Variants in CSMD3 observed in about 807,000 individuals in gnomAD.
CSMD3 encodes the protein CUB and Sushi multiple domains 3, also known as CUB and sushi domain-containing protein 3.
In CSMD3, 177 loss-of-function variants were observed where a neutral mutation model predicts 435.2. The ratio of observed to expected loss-of-function variants is 0.41; its 90% confidence interval spans 0.36 to 0.46. The LOEUF (loss-of-function observed/expected upper bound fraction) is 0.46, where lower values mean the gene tolerates loss of function less well. Ranked by LOEUF, CSMD3 falls within the 20% of genes least tolerant of loss-of-function variation. The pLI is 0.34. For missense variants in CSMD3, 4,265 were observed against 4,504.6 expected (o/e 0.95, Z 1.52); for synonymous variants, 1,656 against 1,520.5 (o/e 1.09, Z -2.07).
rs762575507 is a variant in CSMD3, at chr8:112,224,734, G to A, written c.*37C>T. The A allele has an allele frequency of 3.7e-6, 6 of 1,610,436 alleles. No individual in the cohort carries two copies. Among genetic ancestry groups the A allele is most frequent in the South Asian group, 2.2e-5 (2 of 91,012 alleles). ...CTAAATGTGCACTGTTTTGTGTGTC[G>A]ATTTCCAAGCTTCTGAAGAAGGCAA... On this transcript the variant is annotated 3_prime_UTR_variant, in exon 71 of 71. Transcript: ENST00000297405.
At chr8:113,130,470 C>T (rs1258981350) in intron 4 of CSMD3, among the ~76,000 whole-genome samples, 2 of 152,116 alleles carry the variant, frequency 1.3e-5, no homozygotes, top group African/African-American at 2.4e-5. Context: ...CACAGTAAGA[C>T]GTGCTTGCTT....
chr8:113,162,772 T>C (rs142342525), intron 4 of CSMD3, among the ~76,000 whole-genome samples: 1 of 152,110 alleles, frequency 6.6e-6, no homozygotes, highest in African/African-American at 2.4e-5. Flanking sequence ...ATACATAGAA[T>C]AGTTCAAAAA....
chr8:113,100,311 C>T (rs1189087413), intron 4 of CSMD3, among the ~76,000 whole-genome samples: 1 of 152,004 alleles, frequency 6.6e-6, no homozygotes, highest in Non-Finnish European at 1.5e-5. Flanking sequence ...CTTGTCTAGA[C>T]CATGTGGCAT....
At chr8:113,296,326 C>A (rs2093721750) in intron 2 of CSMD3, among the ~76,000 whole-genome samples, 1 of 108,212 alleles carries the variant, frequency 9.2e-6, no homozygotes, top group African/African-American at 3.1e-5. Context: ...ATAGAACAGC[C>A]TGGGCAACAT....
chr8:113,071,269 G>A (rs570283857), intron 5 of CSMD3, among the ~76,000 whole-genome samples: 9 of 151,776 alleles, frequency 5.9e-5, no homozygotes, highest in Non-Finnish European at 1.3e-4. Context: ...ATTTCTCCTC[G>A]TTCTGCAGCA....
intron 19 of CSMD3, 66 bp downstream of exon 19, chr8:112,650,095 A>G (rs1344488545): frequency 1.7e-6 from 2 of 1,176,064 alleles, no homozygotes; most frequent in Non-Finnish European, 2.6e-6. Flanking sequence ...TAAACCCCAT[A>G]TAAAAAACTA....
intron 9 of CSMD3, among the ~76,000 whole-genome samples, chr8:112,946,243 G>C (rs1223247590): frequency 6.6e-6 from 1 of 151,622 alleles, no homozygotes; most frequent in Non-Finnish European, 1.5e-5. Context: ...AAAGCTGTAT[G>C]GTTACTACGA....
At chr8:113,063,593 T>C (rs1236630945) in intron 5 of CSMD3, among the ~76,000 whole-genome samples, 3 of 151,960 alleles carry the variant, frequency 2.0e-5, no homozygotes, top group East Asian at 1.9e-4. Context: ...AGGGATACCA[T>C]CTTGTTAGTT....
chr8:112,305,774 T>C lies in CSMD3; in HGVS notation c.8071+233A>G, dbSNP rs192779023. Among the ~76,000 whole-genome samples the C allele has an allele frequency of 8.7e-4, 133 of 152,238 alleles. No individual in the cohort carries two copies. The Middle Eastern group carries it at 0.017, about 19-fold the overall frequency. ...CAAAATAAAACATCATTGTATAAAA[T>C]AAAAGTGCCTTTTTTGACATAAATA... On this transcript the variant is annotated intron_variant, in intron 51 of 70. Transcript: ENST00000297405.
intron 12 of CSMD3, among the ~76,000 whole-genome samples, chr8:112,813,785 A>T: frequency 6.6e-6 from 1 of 152,140 alleles, no homozygotes; most frequent in Non-Finnish European, 1.5e-5. Flanking sequence ...ACCTCCTCTT[A>T]TAAGGGTGAG....
At chr8:112,726,635 T>C (rs2076971032) in intron 13 of CSMD3, among the ~76,000 whole-genome samples, 1 of 151,868 alleles carries the variant, frequency 6.6e-6, no homozygotes, top group Admixed American at 6.6e-5. Context: ...TTAGGCTGTC[T>C]TTTGGAAGAA....
At chr8:112,389,426 T>C (rs576311820) in intron 36 of CSMD3, among the ~76,000 whole-genome samples, 4 of 152,302 alleles carry the variant, frequency 2.6e-5, no homozygotes, top group Admixed American at 2.0e-4. Context: ...TAGGATTGAT[T>C]CGTTATCTTC....
At chr8:112,492,346 T>G in intron 31 of CSMD3, 143 bp downstream of exon 31, 1 of 707,440 alleles carries the variant, frequency 1.4e-6, no homozygotes, top group Non-Finnish European at 2.4e-6. Flanking sequence ...AACTTTAAAA[T>G]GTTTGATAAA....
intron 3 of CSMD3, among the ~76,000 whole-genome samples, chr8:113,216,996 CA>C (rs1298906813): frequency 1.3e-5 from 2 of 151,868 alleles, no homozygotes; most frequent in East Asian, 3.9e-4. Context: ...ATAAAACTTC[CA>C]GAGACCATGC....
rs372733769 is a variant in CSMD3, at chr8:113,286,223, C to T, written c.402-7519G>A. Among the ~76,000 whole-genome samples, 107 of 152,058 alleles carry T rather than the reference C, an allele frequency of 7.0e-4. No homozygotes were observed. In the South Asian group the frequency reaches 0.022, roughly 31 times the overall value. Reference sequence around the variant, plus strand: ...TGTGATCCTGTCTCTTCTCATGTTCCCTTTTGGATGAAAACATTCTTGAAA... The same window carrying T: ...TGTGATCCTGTCTCTTCTCATGTTCTCTTTTGGATGAAAACATTCTTGAAA... On this transcript the variant is annotated intron_variant, in intron 2 of 70. Transcript: ENST00000297405.
chr8:112,444,499 T>C (rs1378094110), intron 32 of CSMD3, among the ~76,000 whole-genome samples: 1 of 152,186 alleles, frequency 6.6e-6, no homozygotes, highest in Non-Finnish European at 1.5e-5. Flanking sequence ...CTATGGTGCA[T>C]ACAATGGGAT....
intron 3 of CSMD3, among the ~76,000 whole-genome samples, chr8:113,177,083 G>A (rs1224657918): frequency 1.3e-5 from 2 of 151,538 alleles, no homozygotes; most frequent in Non-Finnish European, 2.9e-5. Context: ...TATAAGTGAA[G>A]TGAAGTGAAA....
intron 3 of CSMD3, among the ~76,000 whole-genome samples, chr8:113,182,131 G>C (rs1311941182): frequency 6.6e-6 from 1 of 151,880 alleles, no homozygotes; most frequent in African/African-American, 2.4e-5. Flanking sequence ...CATAACTCAA[G>C]TTGGAAAAAT....
intron 22 of CSMD3, among the ~76,000 whole-genome samples, chr8:112,629,877 T>C (rs939668037): frequency 3.9e-5 from 6 of 152,196 alleles, no homozygotes; most frequent in African/African-American, 1.4e-4. Context: ...CCCTGTATTA[T>C]GTTACCTTCT....
Sources: allele counts gnomAD v4.1 joint callset (sites outside exome capture counted in the v4.1 genomes callset), GRCh38; gene constraint gnomAD v4.1.1; transcripts MANE v1.5; gene names NCBI Gene and HGNC (gene_info 2026-07-23, HGNC 2026-07-21).